Variants in SETD4 observed in about 807,000 individuals in gnomAD.
The protein encoded by SETD4 is SET domain containing 4, also known as SET domain-containing protein 4.
A neutral mutation model predicts 58.3 loss-of-function variants in SETD4; 46 were observed. The observed-to-expected ratio is 0.79, with a 90% CI of 0.62 to 1.01. SETD4 has a LOEUF of 1.01. Among genes scored for constraint, SETD4 ranks in the 50% least tolerant of loss-of-function variants. The pLI, the probability that SETD4 is intolerant of heterozygous loss-of-function variation, is 0.00. For missense variants in SETD4, 490 were observed against 523.3 expected (o/e 0.94, Z 0.62); for synonymous variants, 190 against 202.6 (o/e 0.94, Z 0.53).
At chr21:36,060,014 C>G (rs1272355675) in intron 1 of SETD4, 11 of 985,548 alleles carry the variant, frequency 1.1e-5, no homozygotes, top group Non-Finnish European at 1.2e-5. Flanking sequence ...ACCGTCCCCG[C>G]CCCCATAGTC....
intron 3 of SETD4, among the ~76,000 whole-genome samples, chr21:36,055,365 G>A (rs1002690889): frequency 1.3e-5 from 2 of 152,180 alleles, no homozygotes; most frequent in Non-Finnish European, 1.5e-5. Flanking sequence ...GTGGCCATTA[G>A]GAGCTCATGA....
chr21:36,043,138 G>C (rs1568910407), intron 7 of SETD4: 1 of 152,230 alleles, frequency 6.6e-6, no homozygotes. Context: ...GTGCGTGCCT[G>C]TAATCCCAGC....
At position 36,040,674 on chromosome 21, in the gene SETD4, T is replaced by C. The variant is rs978920912; in HGVS notation, c.984-19A>G. ...CAAATTTCTGAAGTAGAAAAACAAA[T>C]AATGACAAATCCATCATTTCAGTAT... On this transcript the variant is annotated intron_variant, in intron 8 of 11. Transcript: ENST00000332131. 8 of 1,600,046 alleles carry C rather than the reference T, an allele frequency of 5.0e-6. No homozygotes were observed. Among genetic ancestry groups the C allele is most frequent in the Non-Finnish European group, 6.9e-6 (8 of 1,167,578 alleles).
At position 36,043,560 on chromosome 21, in the gene SETD4, T is replaced by G. The variant is rs142929429; in HGVS notation, c.901+222A>C. ...TCTTCCATTCTATCTTCTGACCCAA[T>G]GCAATGAAAACTTCTCAAAATATCA... On this transcript the variant is annotated intron_variant, in intron 7 of 11. Coordinates refer to ENST00000332131, the MANE Select transcript of SETD4 (RefSeq NM_017438.5). The G allele has an allele frequency of 1.1e-4, 146 of 1,379,000 alleles. 1 individual carries two copies. In the East Asian group the frequency reaches 4.0e-3, roughly 37 times the overall value. The allele number at this position is 1,379,000 out of a possible 1,614,324, so 85.4% of individuals were successfully genotyped here.
intron 3 of SETD4, among the ~76,000 whole-genome samples, chr21:36,054,515 G>A (rs2064878345): frequency 6.6e-6 from 1 of 152,244 alleles, no homozygotes; most frequent in Admixed American, 6.5e-5. Context: ...ACTACTGGGA[G>A]CTCCCAGCTC....
chr21:36,045,644 C>T lies in SETD4; in HGVS notation c.664G>A (p.Glu222Lys). 6.2e-7 allele frequency: 1 copy of T among 1,614,156 alleles called. No individual in the cohort carries two copies. The highest frequency in any genetic ancestry group is 8.5e-7 in the Non-Finnish European group (1 of 1,179,998). ...GGAGCGAGTGCACAGGTGTCCGGCT[C>T]TGCAGAAAGGCATTCCCGCTGCCTG... ...RPRQRECLSA[E>K]PDTCALAPYL... Residue 222 changes from glutamate (E) to lysine (K), a missense_variant, in exon 6 of 12, where the codon GAG (glutamate) becomes AAG (lysine). Coordinates refer to ENST00000332131, the MANE Select transcript of SETD4 (RefSeq NM_017438.5).
At position 36,048,309 on chromosome 21, in the gene SETD4, T is replaced by C; in HGVS notation, c.295A>G (p.Lys99Glu). ...IRSYLGAYIT[K>E]WKPPPSPLLA... is the part of the protein sequence containing the mutation. Reference sequence around the variant, plus strand: ...GTAAGCAAGTGTGTGGTCACTTACTTAGTAATGTATGCCCCTAAGTAGCTT... The same window carrying C: ...GTAAGCAAGTGTGTGGTCACTTACTCAGTAATGTATGCCCCTAAGTAGCTT... Residue 99 changes from lysine (K) to glutamate (E), a missense_variant and splice_region_variant, in exon 5 of 12, where the codon AAG becomes GAG. Transcript: ENST00000332131. The C allele has an allele frequency of 6.2e-7, 1 of 1,613,856 alleles. No individual in the cohort carries two copies. The highest frequency in any genetic ancestry group is 8.5e-7 in the Non-Finnish European group (1 of 1,179,780).
chr21:36,051,956 G>A (rs2064717499), intron 4 of SETD4, among the ~76,000 whole-genome samples: 1 of 150,834 alleles, frequency 6.6e-6, no homozygotes, highest in Non-Finnish European at 1.5e-5. Context: ...TTGGTGGGAG[G>A]GTCAAAGTGA....
Position 36,041,709 on chromosome 21 carries a change from G to C in SETD4, c.983+98C>G. ...AATACCTACCCGTCAGCTGATACAG[G>C]GTCAGGAGGGGTCTCACCCCCATGG... On this transcript the variant is annotated intron_variant, in intron 8 of 11. Coordinates refer to ENST00000332131, the MANE Select transcript of SETD4 (RefSeq NM_017438.5). 4.0e-6 allele frequency: 3 copies of C among 757,756 alleles called. No homozygotes were observed. The South Asian group carries it at 4.9e-5, about 12-fold the overall frequency. The allele number at this position is 757,756 out of a possible 1,614,324, so 46.9% of individuals were successfully genotyped here.
chr21:36,034,887 T>TA lies in SETD4; in HGVS notation c.*1105dup, dbSNP rs1254037412. 11 of 152,100 alleles carry TA rather than the reference T, an allele frequency of 7.2e-5. No homozygotes were observed. Among genetic ancestry groups the TA allele is most frequent in the Admixed American group, 1.3e-4 (2 of 15,274 alleles). The allele number at this position is 152,100 out of a possible 1,614,324, so 9.4% of individuals were successfully genotyped here. ...CATTATACTGAATATTGAAAAAAAA[T>TA]ATACTGCAGCTACTGAAAAATAAAC... On this transcript the variant is annotated 3_prime_UTR_variant, in exon 12 of 12. Transcript: ENST00000332131.
chr21:36,045,179 A>G (rs1373934328), intron 6 of SETD4, among the ~76,000 whole-genome samples: 1 of 152,206 alleles, frequency 6.6e-6, no homozygotes, highest in Admixed American at 6.5e-5. Flanking sequence ...CAAGTCAGTC[A>G]GCGATCAGAG....
chr21:36,046,902 A>G (rs1168025101), intron 5 of SETD4, among the ~76,000 whole-genome samples: 1 of 152,220 alleles, frequency 6.6e-6, no homozygotes, highest in Non-Finnish European at 1.5e-5. Flanking sequence ...TAAAAGACCT[A>G]TTCACTCTCT....
intron 9 of SETD4, among the ~76,000 whole-genome samples, chr21:36,038,756 A>T (rs1180843178): frequency 6.6e-6 from 1 of 152,176 alleles, no homozygotes; most frequent in African/African-American, 2.4e-5. Flanking sequence ...AGGAATCTAC[A>T]GCAAGCCTCT....
At chr21:36,054,374 G>A (rs992653204) in intron 3 of SETD4, among the ~76,000 whole-genome samples, 16 of 152,244 alleles carry the variant, frequency 1.1e-4, no homozygotes, top group African/African-American at 3.9e-4. Context: ...ATGCTCAGAT[G>A]ACAGCTTTTC....
At position 36,045,793 on chromosome 21, in the gene SETD4, G is replaced by A. The variant is rs769869201; in HGVS notation, c.515C>T (p.Ser172Phe). ...QRAHVQEFFA[S>F]SRDFFSSLQP... is the part of the protein sequence containing the mutation. ...CAGAGAAGAGAAAAAGTCTCTGGAG[G>A]AAGCAAAGAACTCCTGCACGTGGGC... The change falls in exon 6 of 12, where the codon TCC (serine) becomes TTC (phenylalanine). Residue 172 changes from serine to phenylalanine, a missense_variant. Transcript: ENST00000332131. The A allele has an allele frequency of 4.3e-6, 7 of 1,614,184 alleles. No individual in the cohort carries two copies. Among genetic ancestry groups the A allele is most frequent in the Non-Finnish European group, 5.9e-6 (7 of 1,180,032 alleles).
chr21:36,054,011 C>T (rs1286486261), intron 3 of SETD4, among the ~76,000 whole-genome samples: 2 of 152,218 alleles, frequency 1.3e-5, no homozygotes, highest in South Asian at 2.1e-4. Context: ...ATCCCCATTA[C>T]CAGACTCAGC....
At chr21:36,040,191 C>A (rs988534504) in intron 9 of SETD4, among the ~76,000 whole-genome samples, 1 of 152,230 alleles carries the variant, frequency 6.6e-6, no homozygotes, top group Admixed American at 6.5e-5. Flanking sequence ...GGATCTCCCC[C>A]AGGGCAGGAC....
intron 6 of SETD4, among the ~76,000 whole-genome samples, chr21:36,044,841 C>A (rs146130892): frequency 4.6e-5 from 7 of 152,308 alleles, no homozygotes; most frequent in African/African-American, 1.7e-4. Context: ...CCACAACACA[C>A]CCCAAAGTGG....
chr21:36,045,347 GC>G lies in SETD4; in HGVS notation c.726+234del, dbSNP rs574329162. Among the ~76,000 whole-genome samples, 753 of 152,324 alleles carry G rather than the reference GC, an allele frequency of 4.9e-3. 6 individuals are homozygous for G. The highest frequency in any genetic ancestry group is 7.4e-3 in the Non-Finnish European group (501 of 68,036). ...GACCGGACAGAGGATGCAGCACGAG[GC>G]TCTGTAGGCCTGAAGAGCAGAGTGA... On this transcript the variant is annotated intron_variant, in intron 6 of 11. Transcript: ENST00000332131.
Sources: allele counts gnomAD v4.1 joint callset (sites outside exome capture counted in the v4.1 genomes callset), GRCh38; gene constraint gnomAD v4.1.1; transcripts MANE v1.5; gene names NCBI Gene and HGNC (gene_info 2026-07-23, HGNC 2026-07-21).